Variants in ZIM2 observed in about 807,000 individuals in gnomAD.
The protein encoded by ZIM2 is zinc finger protein 656.
Under a neutral mutation model 38.6 loss-of-function variants are expected in ZIM2, and 14 were observed. That is an observed-to-expected ratio of 0.36 (90% CI 0.24 to 0.57). The LOEUF is 0.57. Ranked by LOEUF, ZIM2 falls within the 20% of genes least tolerant of loss-of-function variation. The pLI is 0.81. For missense variants in ZIM2, 680 were observed against 695.1 expected (o/e 0.98, Z 0.24); for synonymous variants, 247 against 245.8 (o/e 1.00, Z -0.04).
intron 5 of ZIM2, 57 bp from the exon 6 acceptor site, chr19:56,822,893 C>G: frequency 6.3e-7 from 1 of 1,575,956 alleles, no homozygotes; most frequent in Non-Finnish European, 8.6e-7. Context: ...CCTGTTTTCC[C>G]TGCATGTGCA....
chr19:56,794,450 AAC>A (rs199792363), intron 9 of ZIM2, among the ~76,000 whole-genome samples: 2 of 152,336 alleles, frequency 1.3e-5, no homozygotes, highest in Admixed American at 6.5e-5. Context: ...TCTATAATTT[AAC>A]AGTTTTTCCA....
At chr19:56,800,293 A>C (rs879743632) in intron 9 of ZIM2, among the ~76,000 whole-genome samples, 1 of 152,242 alleles carries the variant, frequency 6.6e-6, no homozygotes, top group Non-Finnish European at 1.5e-5. Flanking sequence ...TTAAAATCTT[A>C]TAATTATCTT....
chr19:56,785,822 G>A (rs574393252), intron 10 of ZIM2, among the ~76,000 whole-genome samples: 1 of 152,314 alleles, frequency 6.6e-6, no homozygotes, highest in South Asian at 2.1e-4. Flanking sequence ...TTCAGTTGGT[G>A]GAAGTGGGGC....
intron 9 of ZIM2, among the ~76,000 whole-genome samples, chr19:56,796,934 T>C (rs1383779207): frequency 6.6e-6 from 1 of 152,210 alleles, no homozygotes; most frequent in African/African-American, 2.4e-5. Flanking sequence ...CTTGTCTACG[T>C]AAAGACTAAA....
intron 9 of ZIM2, chr19:56,815,666 T>C (rs754420101): frequency 1.9e-6 from 3 of 1,614,194 alleles, no homozygotes; most frequent in South Asian, 2.2e-5. Flanking sequence ...ACATTTGAGC[T>C]GGGAACAGAG....
intron 2 of ZIM2, among the ~76,000 whole-genome samples, chr19:56,835,380 C>A (rs1435853460): frequency 6.6e-6 from 1 of 152,166 alleles, no homozygotes. Context: ...TTCCCTTGCT[C>A]TAGGAATCCT....
intron 5 of ZIM2, 93 bp downstream of exon 5, chr19:56,823,497 G>A (rs1214403758): frequency 2.7e-5 from 40 of 1,461,166 alleles, no homozygotes; most frequent in Non-Finnish European, 3.6e-5. Flanking sequence ...GGGATGGCGG[G>A]TCATCTTCAT....
chr19:56,815,592 A>C, intron 9 of ZIM2: 1 of 1,614,190 alleles, frequency 6.2e-7, no homozygotes, highest in African/African-American at 1.3e-5. Context: ...AGTGAATTAC[A>C]GAGGTCTCAT....
intron 9 of ZIM2, chr19:56,791,092 C>T (rs1026187350): frequency 6.6e-6 from 1 of 152,178 alleles, no homozygotes; most frequent in African/African-American, 2.4e-5. Context: ...CTAGCTTCAT[C>T]AATAACTCAG....
intron 5 of ZIM2, 73 bp from the exon 6 acceptor site, chr19:56,822,909 AC>A (rs914856804): frequency 2.9e-5 from 45 of 1,547,712 alleles, no homozygotes; most frequent in Admixed American, 1.4e-4. Context: ...GTGCACAAAC[AC>A]CCCTCTGGAA....
At chr19:56,817,896 C>G in intron 8 of ZIM2, 58 bp from the exon 9 acceptor site, 1 of 1,339,004 alleles carries the variant, frequency 7.5e-7, no homozygotes, top group South Asian at 1.2e-5. Flanking sequence ...GACTCATCAC[C>G]ATAAATTGAT....
At chr19:56,796,918 A>AGGGGTCTTGTC (rs1296946401) in intron 9 of ZIM2, among the ~76,000 whole-genome samples, 2 of 152,226 alleles carry the variant, frequency 1.3e-5, no homozygotes, top group East Asian at 3.9e-4. Flanking sequence ...TTAAGTTTTT[A>AGGGGTCTTGTC]GGGGTCTTGT....
At chr19:56,788,477 A>T (rs1461453880) in intron 10 of ZIM2, among the ~76,000 whole-genome samples, 1 of 151,648 alleles carries the variant, frequency 6.6e-6, no homozygotes, top group Non-Finnish European at 1.5e-5. Context: ...ATTGACCTCC[A>T]CTCTCTTCTG....
At chr19:56,832,683 G>A (rs186013838) in intron 2 of ZIM2, among the ~76,000 whole-genome samples, 6 of 152,284 alleles carry the variant, frequency 3.9e-5, no homozygotes, top group Admixed American at 6.5e-5. Flanking sequence ...GAGGAGAGGC[G>A]CCAAGTGATG....
At chr19:56,816,671 C>T (rs1454776339) in intron 9 of ZIM2, 1 of 1,614,104 alleles carries the variant, frequency 6.2e-7, no homozygotes, top group Non-Finnish European at 8.5e-7. Context: ...CGCTCATTAT[C>T]TTTGTCATCC....
chr19:56,784,041 G>C (rs573966969), intron 10 of ZIM2, among the ~76,000 whole-genome samples: 10 of 152,114 alleles, frequency 6.6e-5, no homozygotes, highest in African/African-American at 2.4e-4. Context: ...TAGCCATTTT[G>C]CTCAAAATGT....
chr19:56,796,478 G>A (rs1339332991), intron 9 of ZIM2, among the ~76,000 whole-genome samples: 5 of 152,132 alleles, frequency 3.3e-5, no homozygotes, highest in African/African-American at 4.8e-5. Flanking sequence ...TGGCATCCCC[G>A]AAGCTGGATG....
intron 1 of ZIM2, among the ~76,000 whole-genome samples, chr19:56,837,443 C>A (rs1355212865): frequency 6.6e-6 from 1 of 152,224 alleles, no homozygotes; most frequent in African/African-American, 2.4e-5. Flanking sequence ...CATTTTCTCA[C>A]TTAAAATCCC....
intron 2 of ZIM2, among the ~76,000 whole-genome samples, chr19:56,829,620 A>C (rs1163967937): frequency 2.6e-5 from 4 of 152,216 alleles, no homozygotes; most frequent in African/African-American, 9.6e-5. Flanking sequence ...CTGCAGGGCT[A>C]CCTGACACAA....
Sources: allele counts gnomAD v4.1 joint callset (sites outside exome capture counted in the v4.1 genomes callset), GRCh38; gene constraint gnomAD v4.1.1; transcripts MANE v1.5; gene names NCBI Gene and HGNC (gene_info 2026-07-23, HGNC 2026-07-21).